ZNF587B: variants seen among roughly 807,000 people sequenced by gnomAD.
The protein encoded by ZNF587B is zinc finger protein 587B.
In ZNF587B, 6 loss-of-function variants were observed where a neutral mutation model predicts 7.2. The observed-to-expected ratio is 0.83, with a 90% CI of 0.46 to 1.65. ZNF587B has a LOEUF of 1.65. Among genes scored for constraint, ZNF587B ranks in the 40% most tolerant of loss-of-function variants. The pLI, the probability that ZNF587B is intolerant of heterozygous loss-of-function variation, is 0.01. For missense variants in ZNF587B, 749 were observed against 761.0 expected (o/e 0.98, Z 0.19); for synonymous variants, 274 against 254.3 (o/e 1.08, Z -0.74).
chr19:57,844,883 G>A lies in ZNF587B; in HGVS notation c.*2307G>A, dbSNP rs1286908640. On this transcript the variant is annotated 3_prime_UTR_variant, in exon 3 of 3. Coordinates refer to ENST00000594901, the MANE Select transcript of ZNF587B (RefSeq NM_001376223.1). ...AGAATTCTGTAAGGCAACATCACAG[G>A]TTGTAAGGCTATAGGATGAAATTAT... 6.6e-6 allele frequency: 1 copy of A among 152,172 alleles called. No homozygotes were observed. The highest frequency in any genetic ancestry group is 2.4e-5 in the African/African-American group (1 of 41,428). 9.4% of individuals were successfully genotyped at this position (152,172 alleles called of 1,614,324 possible). A position where few individuals can be genotyped will look rare whatever the true frequency, so the allele number is the denominator to read the frequency against.
Position 57,843,587 on chromosome 19 carries a change from G to GTTTTTTTTTTTTTTTTTTTT in ZNF587B, c.*1013_*1014insTTTTTTTTTTTTTTTTTTTT, listed in dbSNP as rs1324065807. 104 of 759,852 alleles carry GTTTTTTTTTTTTTTTTTTTT rather than the reference G, an allele frequency of 1.4e-4. 11 individuals are homozygous for GTTTTTTTTTTTTTTTTTTTT. The highest frequency in any genetic ancestry group is 8.6e-4 in the Admixed American group (10 of 11,578). The allele number at this position is 759,852 out of a possible 1,614,324, so 47.1% of individuals were successfully genotyped here. On this transcript the variant is annotated 3_prime_UTR_variant, in exon 3 of 3. Transcript: ENST00000594901. ...GTTTGGTTGGTTGGTTGGTTGGTTG[G>GTTTTTTTTTTTTTTTTTTTT]TTGTTTTTTTTTGTTTTTTTTTTTT...
chr19:57,831,939 C>G (rs1988419667), intron 1 of ZNF587B, among the ~76,000 whole-genome samples: 1 of 151,796 alleles, frequency 6.6e-6, no homozygotes, highest in Non-Finnish European at 1.5e-5. Context: ...CTCCCGAGCT[C>G]AGGCAATACG....
chr19:57,831,996 G>C (rs1219615273), intron 1 of ZNF587B, among the ~76,000 whole-genome samples: 1 of 152,104 alleles, frequency 6.6e-6, no homozygotes, highest in Non-Finnish European at 1.5e-5. Flanking sequence ...GTGAGCCACC[G>C]TGCCTGGCTG....
rs1385473982 is a variant in ZNF587B, at chr19:57,842,001, T to A, written c.1327T>A (p.Cys443Ser). ...AGAAAGACCTTATAAGTGTGGGGAA[T>A]GTGGGAAATGTTTTAGTCACAAGGG... ...TTERPYKCGECGKCFSHKGNL... is the reference protein window; with the variant it reads ...TTERPYKCGESGKCFSHKGNL... Residue 443 changes from cysteine (C) to serine (S), a missense_variant, in exon 3 of 3, where the codon TGT becomes AGT. Cys to Ser is a moderately radical substitution (Grantham distance 112, BLOSUM62 -1). Around this residue, in one of 3 missense-constraint regions of ZNF587B, gnomAD observed 656 missense variants for 596.5 expected, o/e 1.10. Transcript: ENST00000594901. The A allele has an allele frequency of 2.5e-6, 4 of 1,603,048 alleles. No individual in the cohort carries two copies. In the Admixed American group the frequency reaches 5.2e-5, roughly 21 times the overall value.
chr19:57,842,931 A>G lies in ZNF587B; in HGVS notation c.*355A>G. 3 of 985,414 alleles carry G rather than the reference A, an allele frequency of 3.0e-6. No homozygotes were observed. Among genetic ancestry groups the G allele is most frequent in the Non-Finnish European group, 3.6e-6 (3 of 829,934 alleles). 61.0% of individuals were successfully genotyped at this position (985,414 alleles called of 1,614,324 possible). A position where few individuals can be genotyped will look rare whatever the true frequency, so the allele number is the denominator to read the frequency against. ...AAAGCACTGTGCCTTCTGTCATTGAATCCTAGAACACTGAGATGAGAAAAA... is the reference window on the plus strand; with the variant it reads ...AAAGCACTGTGCCTTCTGTCATTGAGTCCTAGAACACTGAGATGAGAAAAA... On this transcript the variant is annotated 3_prime_UTR_variant, in exon 3 of 3. Coordinates refer to ENST00000594901, the MANE Select transcript of ZNF587B (RefSeq NM_001376223.1).
intron 2 of ZNF587B, among the ~76,000 whole-genome samples, chr19:57,840,075 CAAAAAAAAAAAAAAAAAAAAAAAA>C (rs774635301): frequency 2.5e-4 from 20 of 81,108 alleles, no homozygotes; most frequent in Admixed American, 1.7e-3. Flanking sequence ...ACTCTGTCTC[CAAAAAAAAAAAAAAAAAAAAAAAA>C]AAAAAAAAAA....
intron 1 of ZNF587B, among the ~76,000 whole-genome samples, chr19:57,837,018 GAA>G (rs1988640938): frequency 7.9e-6 from 1 of 126,352 alleles, no homozygotes; most frequent in African/African-American, 4.8e-5. Context: ...TTCGATCAAT[GAA>G]TGGGACCAGG....
In ZNF587B at chr19:57,830,357, G is replaced by T; in HGVS notation, c.-172G>T. The T allele has an allele frequency of 1.5e-6, 1 of 655,008 alleles. No individual in the cohort carries two copies. The highest frequency in any genetic ancestry group is 1.9e-5 in the South Asian group (1 of 51,286). 40.6% of individuals were successfully genotyped at this position (655,008 alleles called of 1,614,324 possible). On this transcript the variant is annotated 5_prime_UTR_variant, in exon 1 of 3. Transcript: ENST00000594901. ...CTGAGCGCTAGGTCGGCACTGCGGTGACTGAACCCAGAAGGCGGAGAACAG... is the reference window on the plus strand; with the variant it reads ...CTGAGCGCTAGGTCGGCACTGCGGTTACTGAACCCAGAAGGCGGAGAACAG...
intron 1 of ZNF587B, among the ~76,000 whole-genome samples, chr19:57,832,276 G>A (rs1210971153): frequency 1.3e-5 from 2 of 152,058 alleles, no homozygotes; most frequent in East Asian, 1.9e-4. Flanking sequence ...TAGTAGAGAC[G>A]GGGTTCCGCC....
rs1475918631 is a variant in ZNF587B at position 57,844,027 on chromosome 19, C to T, written c.*1451C>T. Among the ~76,000 whole-genome samples the T allele has an allele frequency of 6.6e-6, 1 of 152,066 alleles. No homozygotes were observed. Among genetic ancestry groups the T allele is most frequent in the African/African-American group, 2.4e-5 (1 of 41,420 alleles). ...CTTCCCAGAATGTTGGGATTATAGGCGTGGCATAAGTCACCATGCTGGGAC... is the reference window on the plus strand; with the variant it reads ...CTTCCCAGAATGTTGGGATTATAGGTGTGGCATAAGTCACCATGCTGGGAC... On this transcript the variant is annotated 3_prime_UTR_variant, in exon 3 of 3. Transcript: ENST00000594901.
intron 1 of ZNF587B, among the ~76,000 whole-genome samples, chr19:57,831,751 C>G (rs1031972876): frequency 4.7e-5 from 7 of 147,842 alleles, no homozygotes; most frequent in Non-Finnish European, 7.5e-5. Context: ...GTCACCCAGC[C>G]TGGAGTACAG....
At position 57,842,638 on chromosome 19, in the gene ZNF587B, T is replaced by C. The variant is rs547044026; in HGVS notation, c.*62T>C. On this transcript the variant is annotated 3_prime_UTR_variant, in exon 3 of 3. Coordinates refer to ENST00000594901, the MANE Select transcript of ZNF587B (RefSeq NM_001376223.1). ...GAGCACACACCTGAGTAAGATCTTG[T>C]GATTGCAGCAAATGTGGAAAATGTT... The C allele has an allele frequency of 1.5e-6, 2 of 1,352,682 alleles. No homozygotes were observed. The highest frequency in any genetic ancestry group is 1.5e-5 in the African/African-American group (1 of 67,584). 83.8% of individuals were successfully genotyped at this position (1,352,682 alleles called of 1,614,324 possible). A position where few individuals can be genotyped will look rare whatever the true frequency, so the allele number is the denominator to read the frequency against.
intron 1 of ZNF587B, among the ~76,000 whole-genome samples, chr19:57,831,863 C>A (rs1457309540): frequency 6.6e-6 from 1 of 151,770 alleles, no homozygotes; most frequent in Non-Finnish European, 1.5e-5. Context: ...CGCCACCATG[C>A]CCGGCTAATT....
intron 1 of ZNF587B, among the ~76,000 whole-genome samples, chr19:57,837,515 T>C (rs1299476441): frequency 1.3e-5 from 2 of 151,434 alleles, no homozygotes; most frequent in African/African-American, 2.4e-5. Context: ...GTGGTGCTAT[T>C]TCGGCTCACT....
Position 57,843,474 on chromosome 19 carries a change from C to T in ZNF587B, c.*898C>T. 2.0e-6 allele frequency: 2 copies of T among 985,246 alleles called. No individual in the cohort carries two copies. Among genetic ancestry groups the T allele is most frequent in the Non-Finnish European group, 2.4e-6 (2 of 829,908 alleles). 61.0% of individuals were successfully genotyped at this position (985,246 alleles called of 1,614,324 possible). A position where few individuals can be genotyped will look rare whatever the true frequency, so the allele number is the denominator to read the frequency against. ...TTACATCTCAGCTACTTGGTAGGTA[C>T]CCACATTGCATCATTCACCTATTTC... On this transcript the variant is annotated 3_prime_UTR_variant, in exon 3 of 3. Coordinates refer to ENST00000594901, the MANE Select transcript of ZNF587B (RefSeq NM_001376223.1).
Position 57,841,847 on chromosome 19 carries a change from T to TA in ZNF587B, c.1174dup (p.Ile392AsnfsTer7), listed in dbSNP as rs1568500956. On this transcript the variant is annotated frameshift_variant, in exon 3 of 3. Coordinates refer to ENST00000594901, the MANE Select transcript of ZNF587B (RefSeq NM_001376223.1). LOFTEE classifies it low-confidence loss of function (END_TRUNC). The stretch of plus-strand genomic sequence containing the variant: ...AGTGTGGAGAATGTGGGAAATCTTA[T>TA]ATTTCAAAGGGGCACCTTAGGATCC... 1.2e-6 allele frequency: 2 copies of TA among 1,612,718 alleles called. No individual in the cohort carries two copies. The highest frequency in any genetic ancestry group is 3.3e-5 in the Admixed American group (2 of 59,804).
intron 1 of ZNF587B, among the ~76,000 whole-genome samples, chr19:57,831,575 G>A (rs1224858049): frequency 2.0e-5 from 3 of 152,028 alleles, no homozygotes; most frequent in African/African-American, 7.2e-5. Context: ...TGTATGTTTA[G>A]TAGAGATGGA....
chr19:57,839,200 T>C (rs1988746912), intron 2 of ZNF587B, 51 bp downstream of exon 2: 1 of 1,604,878 alleles, frequency 6.2e-7, no homozygotes. Context: ...TGTTTTCCCC[T>C]GTCTTTCCCC....
rs771371494 is a variant in ZNF587B, at chr19:57,843,600, G to GTT, written c.*1043_*1044dup. On this transcript the variant is annotated 3_prime_UTR_variant, in exon 3 of 3. Coordinates refer to ENST00000594901, the MANE Select transcript of ZNF587B (RefSeq NM_001376223.1). ...GTTGGTTGGTTGGTTGTTTTTTTTT[G>GTT]TTTTTTTTTTTTTTTTTTTTGGAGA... 13,903 of 630,894 alleles carry GTT rather than the reference G, an allele frequency of 0.022. 13 individuals carry two copies. The highest frequency in any genetic ancestry group is 0.028 in the Middle Eastern group (34 of 1,224). 39.1% of individuals were successfully genotyped at this position (630,894 alleles called of 1,614,324 possible). A position where few individuals can be genotyped will look rare whatever the true frequency, so the allele number is the denominator to read the frequency against.
Sources: allele counts gnomAD v4.1 joint callset (sites outside exome capture counted in the v4.1 genomes callset), GRCh38; gene constraint gnomAD v4.1.1; regional missense constraint gnomAD v4.1.1; transcripts MANE v1.5; gene names NCBI Gene and HGNC (gene_info 2026-07-23, HGNC 2026-07-21).